PEBP4: variants seen among roughly 807,000 people sequenced by gnomAD.
The protein encoded by PEBP4 is phosphatidylethanolamine-binding protein 4.
PEBP4 carries 22 observed loss-of-function variants against 23.9 expected under a neutral mutation model. The ratio of observed to expected loss-of-function variants is 0.92; its 90% CI spans 0.66 to 1.31. PEBP4 has a LOEUF of 1.31. PEBP4 is among the 40% of genes most tolerant of loss of function. The pLI is 0.00. For missense variants in PEBP4, 324 were observed against 281.7 expected (o/e 1.15, Z -1.07); for synonymous variants, 112 against 99.3 (o/e 1.13, Z -0.76).
chr8:22,933,125 G>A (rs1185771428), intron 1 of PEBP4, among the ~76,000 whole-genome samples: 6 of 152,092 alleles, frequency 3.9e-5, no homozygotes, highest in Non-Finnish European at 5.9e-5. Context: ...TAAACTCAAA[G>A]AAGGAGAGCC....
rs112785210 is a variant in PEBP4 at position 22,765,805 on chromosome 8, A to G, written c.358-38585T>C. ...CATGGATCACCACCTGTGGATCACC[A>G]CCATTCATGGATCACCACCTGTGGA... On this transcript the variant is annotated intron_variant, in intron 4 of 6. Transcript: ENST00000256404. Among the ~76,000 whole-genome samples, 164 of 126,380 alleles carry G rather than the reference A, an allele frequency of 1.3e-3. 1 individual carries two copies. Among genetic ancestry groups the G allele is most frequent in the African/African-American group, 4.5e-3 (153 of 34,290 alleles). 82.9% of individuals were successfully genotyped at this position (126,380 alleles called of 152,430 possible).
intron 4 of PEBP4, among the ~76,000 whole-genome samples, chr8:22,753,658 C>T (rs538954759): frequency 6.6e-6 from 1 of 152,316 alleles, no homozygotes; most frequent in Non-Finnish European, 1.5e-5. Context: ...AAGTCTCCAC[C>T]TTGCTGAAGC....
chr8:22,933,403 G>C (rs568949804), intron 1 of PEBP4, among the ~76,000 whole-genome samples: 1 of 152,332 alleles, frequency 6.6e-6, no homozygotes, highest in African/African-American at 2.4e-5. Flanking sequence ...AAGACAAAGA[G>C]AGAATTTTGA....
At chr8:22,723,422 T>C (rs1230178088) in intron 6 of PEBP4, among the ~76,000 whole-genome samples, 1 of 151,996 alleles carries the variant, frequency 6.6e-6, no homozygotes. Flanking sequence ...TATCCTTCCC[T>C]CCATCCTGCC....
chr8:22,823,582 T>C (rs886669794), intron 3 of PEBP4, among the ~76,000 whole-genome samples: 1 of 151,744 alleles, frequency 6.6e-6, no homozygotes, highest in Admixed American at 6.6e-5. Flanking sequence ...TGCATATGCA[T>C]AGAAAATGTC....
At chr8:22,913,306 C>A (rs893959059) in intron 3 of PEBP4, among the ~76,000 whole-genome samples, 1 of 152,192 alleles carries the variant, frequency 6.6e-6, no homozygotes, top group Non-Finnish European at 1.5e-5. Flanking sequence ...CCCCATGCAG[C>A]CTCTCCCAGC....
At chr8:22,919,269 G>A (rs753462032) in intron 3 of PEBP4, among the ~76,000 whole-genome samples, 1 of 152,156 alleles carries the variant, frequency 6.6e-6, no homozygotes, top group Non-Finnish European at 1.5e-5. Context: ...AGGACCAGAA[G>A]GTCAGCCTTG....
intron 4 of PEBP4, among the ~76,000 whole-genome samples, chr8:22,795,143 G>GTGTATATATATATATATATATATATA (rs1268855798): frequency 2.0e-5 from 1 of 49,926 alleles, no homozygotes; most frequent in South Asian, 9.7e-4. Flanking sequence ...ATGTGTGTGT[G>GTGTATATATATATATATATATATATA]TATATATATA....
At chr8:22,885,936 TTGA>T (rs1427326324) in intron 3 of PEBP4, 3 of 152,136 alleles carry the variant, frequency 2.0e-5, no homozygotes, top group Admixed American at 6.5e-5. Flanking sequence ...GCCTGCAGGG[TTGA>T]CTTATGCATC....
Position 22,761,210 on chromosome 8 carries a change from C to A in PEBP4, c.358-33990G>T, listed in dbSNP as rs541799213. On this transcript the variant is annotated intron_variant, in intron 4 of 6. Coordinates refer to ENST00000256404, the MANE Select transcript of PEBP4 (RefSeq NM_144962.3). ...ACAGCCATCACATCTTGCAGGTGGGCCTGCCCCGGGGAACTGTGGGGTGGG... is the reference window on the plus strand; with the variant it reads ...ACAGCCATCACATCTTGCAGGTGGGACTGCCCCGGGGAACTGTGGGGTGGG... Among the ~76,000 whole-genome samples, 23 of 152,254 alleles carry A rather than the reference C, an allele frequency of 1.5e-4. No individual in the cohort carries two copies. The Middle Eastern group carries it at 0.014, about 90-fold the overall frequency.
At chr8:22,795,745 C>T (rs1424919330) in intron 4 of PEBP4, among the ~76,000 whole-genome samples, 2 of 152,178 alleles carry the variant, frequency 1.3e-5, no homozygotes, top group African/African-American at 4.8e-5. Flanking sequence ...AAGTCTTTTA[C>T]ATTCTACATG....
At chr8:22,930,564 T>G (rs1364791629), upstream of PEBP4, among the ~76,000 whole-genome samples, 1 of 152,174 alleles carries the variant, frequency 6.6e-6, no homozygotes, top group Non-Finnish European at 1.5e-5. Context: ...CCGTTTCTGA[T>G]CATCCTCATT....
rs370970338 is a variant in PEBP4 at position 22,756,396 on chromosome 8, G to A, written c.358-29176C>T. Among the ~76,000 whole-genome samples the A allele has an allele frequency of 1.2e-4, 18 of 152,334 alleles. No homozygotes were observed. The East Asian group carries it at 1.5e-3, about 13-fold the overall frequency. On this transcript the variant is annotated intron_variant, in intron 4 of 6. Coordinates refer to ENST00000256404, the MANE Select transcript of PEBP4 (RefSeq NM_144962.3). The stretch of plus-strand genomic sequence containing the variant: ...GAGCGAGGGAGGCTGTTATGTAACC[G>A]ACTGAACTCCTCGTCAACACTGGTG...
intron 3 of PEBP4, among the ~76,000 whole-genome samples, chr8:22,845,662 G>C (rs1220778353): frequency 6.6e-6 from 1 of 152,216 alleles, no homozygotes; most frequent in Non-Finnish European, 1.5e-5. Flanking sequence ...GGCCTGCTGG[G>C]GGAAACACCT....
intron 3 of PEBP4, chr8:22,886,855 A>G (rs898502398): frequency 2.0e-5 from 3 of 152,442 alleles, no homozygotes; most frequent in African/African-American, 7.2e-5. Context: ...AGTTAGCAGC[A>G]CTGTCTGCTG....
intron 3 of PEBP4, among the ~76,000 whole-genome samples, chr8:22,821,391 G>A (rs1198415015): frequency 5.3e-5 from 8 of 152,180 alleles, no homozygotes; most frequent in South Asian, 2.1e-4. Flanking sequence ...TGAGGTGACC[G>A]GGTAGGGCAG....
chr8:22,821,953 C>A (rs1470045698), intron 3 of PEBP4, among the ~76,000 whole-genome samples: 2 of 146,464 alleles, frequency 1.4e-5, no homozygotes, highest in African/African-American at 5.0e-5. Context: ...CCATTGCACT[C>A]CAGCCTGGGC....
chr8:22,714,355 T>A (rs1028868312), intron 6 of PEBP4, among the ~76,000 whole-genome samples: 5 of 152,112 alleles, frequency 3.3e-5, no homozygotes, highest in African/African-American at 1.2e-4. Context: ...ACCCTGGATG[T>A]CAGGCACCCT....
intron 4 of PEBP4, among the ~76,000 whole-genome samples, chr8:22,790,380 A>G (rs775723304): frequency 1.1e-4 from 16 of 152,174 alleles, no homozygotes; most frequent in Admixed American, 3.3e-4. Flanking sequence ...GATTCAAGGG[A>G]TGACGAGGGC....
Sources: gnomAD v4.1 joint callset for allele counts (sites outside exome capture counted in the v4.1 genomes callset) on GRCh38, gnomAD v4.1.1 for gene constraint, MANE v1.5 for transcripts, NCBI Gene and HGNC (gene_info 2026-07-23, HGNC 2026-07-21) for gene names.